The following CACNA2D3 variants were observed in gnomAD, a reference collection of about 807,000 sequenced individuals.
CACNA2D3 encodes voltage-dependent calcium channel subunit alpha-2/delta-3.
CACNA2D3 carries 60 observed loss-of-function variants against 160.6 expected under a neutral mutation model. The observed-to-expected ratio is 0.37, with a 90% CI of 0.30 to 0.46. The LOEUF is 0.46. CACNA2D3 is among the 20% of genes least tolerant of loss of function. CACNA2D3 has a pLI of 1.00. For synonymous variants in CACNA2D3, 558 were observed against 492.9 expected (o/e 1.13, Z -1.75); for missense variants, 1,205 against 1,365.0 (o/e 0.88, Z 1.85).
At chr3:54,683,962 C>CTTTTTT (rs61481695) in intron 11 of CACNA2D3, among the ~76,000 whole-genome samples, 7 of 110,816 alleles carry the variant, frequency 6.3e-5, no homozygotes, top group African/African-American at 2.2e-4. Flanking sequence ...AAATTTCCAC[C>CTTTTTT]TTTTTTTTTT....
At chr3:54,435,837 C>G (rs1302941533) in intron 4 of CACNA2D3, among the ~76,000 whole-genome samples, 1 of 152,140 alleles carries the variant, frequency 6.6e-6, no homozygotes, top group Non-Finnish European at 1.5e-5. Context: ...ATTACAAATT[C>G]TCTGCAAACA....
intron 20 of CACNA2D3, among the ~76,000 whole-genome samples, chr3:54,880,502 T>A (rs1434226649): frequency 6.6e-6 from 1 of 152,134 alleles, no homozygotes; most frequent in Non-Finnish European, 1.5e-5. Context: ...TGGGAGGGCA[T>A]CTGAGAGAAG....
intron 4 of CACNA2D3, among the ~76,000 whole-genome samples, chr3:54,423,811 A>G (rs761347094): frequency 2.6e-5 from 4 of 152,124 alleles, no homozygotes; most frequent in Non-Finnish European, 5.9e-5. Flanking sequence ...TGGGTCTGTG[A>G]CATGCCCGGG....
intron 2 of CACNA2D3, among the ~76,000 whole-genome samples, chr3:54,137,889 C>T (rs907211458): frequency 7.9e-5 from 12 of 152,194 alleles, no homozygotes; most frequent in African/African-American, 2.2e-4. Flanking sequence ...TAAATGTTAC[C>T]GGGGTAAATT....
intron 35 of CACNA2D3, among the ~76,000 whole-genome samples, chr3:55,044,511 T>A (rs1704032291): frequency 1.3e-5 from 2 of 152,194 alleles, no homozygotes; most frequent in South Asian, 4.1e-4. Context: ...CTTAGACTAT[T>A]CTATGTAGAC....
chr3:54,940,401 C>T (rs1216270171), intron 27 of CACNA2D3, among the ~76,000 whole-genome samples: 2 of 152,150 alleles, frequency 1.3e-5, no homozygotes, highest in East Asian at 1.9e-4. Flanking sequence ...AGATTACTGC[C>T]TCGGTGCCTA....
At position 54,907,724 on chromosome 3, in the gene CACNA2D3, CA is replaced by C. The variant is rs545996578; in HGVS notation, c.2449+7857del. On this transcript the variant is annotated intron_variant, in intron 27 of 37. Coordinates refer to ENST00000474759, the MANE Select transcript of CACNA2D3 (RefSeq NM_018398.3). The stretch of plus-strand genomic sequence containing the variant: ...CTCACACTTTCACATACCTGTGCCT[CA>C]GAGCTGAGGTTCGCAAACTACAGCT... Among the ~76,000 whole-genome samples, 139 of 152,282 alleles carry C rather than the reference CA, an allele frequency of 9.1e-4. No individual in the cohort carries two copies. In the Middle Eastern group the frequency reaches 0.01, roughly 11 times the overall value.
chr3:54,607,171 G>C (rs1698646837), intron 9 of CACNA2D3, among the ~76,000 whole-genome samples: 1 of 152,114 alleles, frequency 6.6e-6, no homozygotes, highest in African/African-American at 2.4e-5. Flanking sequence ...AGAGGAATTG[G>C]CACTGTGCAA....
chr3:54,594,247 A>G (rs1319315978), intron 9 of CACNA2D3, among the ~76,000 whole-genome samples: 3 of 152,190 alleles, frequency 2.0e-5, no homozygotes, highest in African/African-American at 7.2e-5. Flanking sequence ...TGCTGTAACT[A>G]CTCAGCTTTA....
chr3:54,887,878 C>T (rs1699962717), intron 23 of CACNA2D3, 81 bp from the exon 24 acceptor site: 1 of 1,019,898 alleles, frequency 9.8e-7, no homozygotes, highest in East Asian at 2.4e-5. Flanking sequence ...CCTGCAGATG[C>T]TGCACAATGA....
At chr3:54,597,248 G>A (rs148571842) in intron 9 of CACNA2D3, among the ~76,000 whole-genome samples, 15 of 152,126 alleles carry the variant, frequency 9.9e-5, no homozygotes, top group Non-Finnish European at 2.1e-4. Context: ...CCCACTGTGG[G>A]CACCCCACAC....
rs189833244 is a variant in CACNA2D3 at position 54,260,139 on chromosome 3, G to A, written c.205-60303G>A. Among the ~76,000 whole-genome samples, 391 of 152,274 alleles carry A rather than the reference G, an allele frequency of 2.6e-3. 1 individual carries two copies. Among genetic ancestry groups the A allele is most frequent in the Non-Finnish European group, 3.7e-3 (255 of 68,022 alleles). On this transcript the variant is annotated intron_variant, in intron 2 of 37. Coordinates refer to ENST00000474759, the MANE Select transcript of CACNA2D3 (RefSeq NM_018398.3). ...TTTTTCTACTTTCTAAACAGAAACT[G>A]TATTTGTTGTATTGTGCAGAGATGT...
At chr3:54,905,562 G>A (rs60141358) in intron 27 of CACNA2D3, among the ~76,000 whole-genome samples, 33,196 of 152,118 alleles carry the variant, frequency 0.22, 3,743 homozygotes, top group African/African-American at 0.25. Flanking sequence ...CAAAGGAACT[G>A]TTTTATTTTG....
chr3:54,691,987 C>CT (rs368608001), intron 11 of CACNA2D3, among the ~76,000 whole-genome samples: 119 of 151,088 alleles, frequency 7.9e-4, no homozygotes, highest in South Asian at 5.5e-3. Flanking sequence ...TTCTTTCTTC[C>CT]TTTTTTTTTG....
chr3:54,586,436 A>G (rs1702763190), intron 9 of CACNA2D3, among the ~76,000 whole-genome samples: 1 of 152,344 alleles, frequency 6.6e-6, no homozygotes, highest in East Asian at 1.9e-4. Context: ...AGAAAGGGAT[A>G]TTTCATAATG....
chr3:54,200,322 G>T (rs1435864004), intron 2 of CACNA2D3, among the ~76,000 whole-genome samples: 2 of 152,226 alleles, frequency 1.3e-5, no homozygotes, highest in African/African-American at 4.8e-5. Flanking sequence ...GAGTGTTGCA[G>T]ATTGGGTTTA....
At chr3:54,996,233 C>T (rs1702856361) in intron 31 of CACNA2D3, among the ~76,000 whole-genome samples, 2 of 152,354 alleles carry the variant, frequency 1.3e-5, no homozygotes, top group South Asian at 2.1e-4. Flanking sequence ...AATCAGCTCT[C>T]CTGCTTCAAA....
intron 27 of CACNA2D3, 64 bp from the exon 28 acceptor site, chr3:54,968,386 G>A (rs908559743): frequency 2.7e-5 from 30 of 1,107,554 alleles, no homozygotes; most frequent in Admixed American, 3.9e-5. Flanking sequence ...AATTTTCAAC[G>A]ATAATCTTAA....
At chr3:54,993,921 T>TG in intron 31 of CACNA2D3, among the ~76,000 whole-genome samples, 1 of 142,976 alleles carries the variant, frequency 7.0e-6, no homozygotes, top group Non-Finnish European at 1.5e-5. Context: ...TGTGTGTGTG[T>TG]TTTGTGTGTG....
Sources: gnomAD v4.1 joint callset for allele counts (sites outside exome capture counted in the v4.1 genomes callset) on GRCh38, gnomAD v4.1.1 for gene constraint, MANE v1.5 for transcripts, NCBI Gene and HGNC (gene_info 2026-07-23, HGNC 2026-07-21) for gene names.